Variants in MDFIC2 observed in about 807,000 individuals in gnomAD.
MDFIC2 encodes the protein MyoD family inhibitor domain containing 2.
chr3:70,235,451 T>C (rs565481604), intron 2 of MDFIC2, among the ~76,000 whole-genome samples: 2 of 152,342 alleles, frequency 1.3e-5, no homozygotes, highest in Admixed American at 6.5e-5. Flanking sequence ...GCTCATGTGA[T>C]AATACATGCT....
At chr3:70,244,047 C>A (rs902815813) in intron 2 of MDFIC2, among the ~76,000 whole-genome samples, 1 of 152,186 alleles carries the variant, frequency 6.6e-6, no homozygotes, top group Non-Finnish European at 1.5e-5. Context: ...GATTCTAATT[C>A]TTCACAGATT....
At chr3:70,287,582 G>T (rs1245559854) in intron 2 of MDFIC2, among the ~76,000 whole-genome samples, 5 of 151,992 alleles carry the variant, frequency 3.3e-5, no homozygotes, top group South Asian at 2.1e-4. Flanking sequence ...TAAAATGAGT[G>T]AGGGAGGATT....
rs969789921 is a variant in MDFIC2 at position 70,306,679 on chromosome 3, T to C, written c.88+5207A>G. 7.9e-5 allele frequency among the ~76,000 whole-genome samples: 12 copies of C among 152,234 alleles called. No homozygotes were observed. In the South Asian group the frequency reaches 2.3e-3, roughly 29 times the overall value. ...ACAGCACCAACATCTGGTTAGAAGA[T>C]TGCAAAACTACTGCTTTGGTGCATT... On this transcript the variant is annotated intron_variant, in intron 2 of 3. Coordinates refer to ENST00000567252, the MANE Select transcript of MDFIC2 (RefSeq NM_001364677.1).
At position 70,240,293 on chromosome 3, in the gene MDFIC2, A is replaced by T. The variant is rs569259335; in HGVS notation, c.89-33503T>A. Among the ~76,000 whole-genome samples, 82 of 152,208 alleles carry T rather than the reference A, an allele frequency of 5.4e-4. 1 individual carries two copies. The highest frequency in any genetic ancestry group is 1.0e-3 in the Non-Finnish European group (69 of 67,996). ...TCCTATATTATCTCATCTTGGGGAAAAAAAACAGTAGCTAAGCCAGAAACA... is the reference window on the plus strand; with the variant it reads ...TCCTATATTATCTCATCTTGGGGAATAAAAACAGTAGCTAAGCCAGAAACA... On this transcript the variant is annotated intron_variant, in intron 2 of 3. Coordinates refer to ENST00000567252, the MANE Select transcript of MDFIC2 (RefSeq NM_001364677.1).
chr3:70,201,141 A>T (rs73116275), intron 3 of MDFIC2, among the ~76,000 whole-genome samples: 19,916 of 151,850 alleles, frequency 0.13, 1,642 homozygotes, highest in Non-Finnish European at 0.19. Flanking sequence ...AGTTTATTTC[A>T]TCACCCAGGT....
intron 2 of MDFIC2, among the ~76,000 whole-genome samples, chr3:70,301,224 G>A (rs1331960756): frequency 2.0e-5 from 3 of 151,940 alleles, no homozygotes; most frequent in South Asian, 2.1e-4. Context: ...AGTTGTTTTA[G>A]CCCAAACCTA....
Position 70,194,890 on chromosome 3 carries a change from G to A in MDFIC2, c.*2036C>T, listed in dbSNP as rs1177321017. On this transcript the variant is annotated 3_prime_UTR_variant, in exon 4 of 4. Coordinates refer to ENST00000567252, the MANE Select transcript of MDFIC2 (RefSeq NM_001364677.1). ...TTTAGTGACTAGACCACGGGTAGAGGGGTGGGTGCTCAGAGAGGAGCCAAG... is the reference window on the plus strand; with the variant it reads ...TTTAGTGACTAGACCACGGGTAGAGAGGTGGGTGCTCAGAGAGGAGCCAAG... Among the ~76,000 whole-genome samples, 1 of 152,160 alleles carries A rather than the reference G, an allele frequency of 6.6e-6. No individual in the cohort carries two copies. Among genetic ancestry groups the A allele is most frequent in the African/African-American group, 2.4e-5 (1 of 41,446 alleles).
intron 2 of MDFIC2, among the ~76,000 whole-genome samples, chr3:70,234,510 A>AT (rs1701589794): frequency 6.6e-6 from 1 of 152,030 alleles, no homozygotes; most frequent in African/African-American, 2.4e-5. Context: ...TCAGCCAGGC[A>AT]TGGTGGCATG....
At chr3:70,260,797 C>A (rs1701859109) in intron 2 of MDFIC2, among the ~76,000 whole-genome samples, 1 of 152,032 alleles carries the variant, frequency 6.6e-6, no homozygotes, top group Admixed American at 6.6e-5. Context: ...GTACTATTGT[C>A]CCTCTTGGTG....
chr3:70,267,582 T>TG (rs1701930577), intron 2 of MDFIC2, among the ~76,000 whole-genome samples: 4 of 146,712 alleles, frequency 2.7e-5, no homozygotes, highest in Admixed American at 1.4e-4. Context: ...TTTTGTATTT[T>TG]TTTTTTTTTT....
chr3:70,210,024 G>C (rs1003384207), intron 2 of MDFIC2, among the ~76,000 whole-genome samples: 1 of 152,048 alleles, frequency 6.6e-6, no homozygotes, highest in African/African-American at 2.4e-5. Flanking sequence ...TTAACAATCA[G>C]TTCAAATTAT....
At position 70,241,620 on chromosome 3, in the gene MDFIC2, C is replaced by T. The variant is rs115320492; in HGVS notation, c.89-34830G>A. 5.2e-3 allele frequency among the ~76,000 whole-genome samples: 785 copies of T among 152,160 alleles called. 10 individuals are homozygous for T. Among genetic ancestry groups the T allele is most frequent in the African/African-American group, 0.017 (688 of 41,520 alleles). On this transcript the variant is annotated intron_variant, in intron 2 of 3. Coordinates refer to ENST00000567252, the MANE Select transcript of MDFIC2 (RefSeq NM_001364677.1). ...AGTTGAAATTTAATGATACTAAGTA[C>T]CTGACCCAAGTTCACAGACTCAGAA...
chr3:70,289,086 A>G (rs1702199134), intron 2 of MDFIC2, among the ~76,000 whole-genome samples: 1 of 151,544 alleles, frequency 6.6e-6, no homozygotes, highest in Non-Finnish European at 1.5e-5. Context: ...TTATGTGTGT[A>G]TTTGATCCTG....
intron 3 of MDFIC2, chr3:70,204,995 G>A (rs1203374947): frequency 6.6e-6 from 1 of 152,018 alleles, no homozygotes; most frequent in Non-Finnish European, 1.5e-5. Flanking sequence ...CTGTTTTCTT[G>A]ACTGGCATTA....
chr3:70,263,387 C>G (rs1227055503), intron 2 of MDFIC2, among the ~76,000 whole-genome samples: 1 of 152,062 alleles, frequency 6.6e-6, no homozygotes, highest in Admixed American at 6.6e-5. Flanking sequence ...TAGGGTAGGT[C>G]TATAGGAATA....
chr3:70,252,576 A>T, intron 2 of MDFIC2, among the ~76,000 whole-genome samples: 1 of 152,246 alleles, frequency 6.6e-6, no homozygotes, highest in Non-Finnish European at 1.5e-5. Flanking sequence ...AAAGTGGGCC[A>T]GATAACAGGA....
chr3:70,245,691 ATATAT>A (rs1701700422), intron 2 of MDFIC2, among the ~76,000 whole-genome samples: 1 of 135,322 alleles, frequency 7.4e-6, no homozygotes, highest in African/African-American at 2.7e-5. Flanking sequence ...ATATATATAT[ATATAT>A]ATATATATAT....
chr3:70,296,597 A>C (rs1702291615), intron 2 of MDFIC2, among the ~76,000 whole-genome samples: 1 of 152,200 alleles, frequency 6.6e-6, no homozygotes, highest in South Asian at 2.1e-4. Context: ...AAAAGGCATG[A>C]TCATTTACCC....
At chr3:70,256,458 G>T (rs1387458842) in intron 2 of MDFIC2, among the ~76,000 whole-genome samples, 4 of 152,124 alleles carry the variant, frequency 2.6e-5, no homozygotes, top group Non-Finnish European at 1.5e-5. Context: ...ATTTAAGGAG[G>T]TATATTAACT....
Sources: gnomAD v4.1 joint callset for allele counts (sites outside exome capture counted in the v4.1 genomes callset) on GRCh38, gnomAD v4.1.1 for gene constraint, MANE v1.5 for transcripts, NCBI Gene and HGNC (gene_info 2026-07-23, HGNC 2026-07-21) for gene names.